SBF2: variants seen among roughly 807,000 people sequenced by gnomAD.
SBF2 encodes SET binding factor 2.
SBF2 carries 112 observed loss-of-function variants against 225.2 expected under a neutral mutation model. The ratio of observed to expected loss-of-function variants is 0.50; its 90% CI spans 0.43 to 0.58. SBF2 has a LOEUF of 0.58. Among genes scored for constraint, SBF2 ranks in the 20% least tolerant of loss-of-function variants. The pLI, the probability that SBF2 is intolerant of heterozygous loss-of-function variation, is 0.00. For synonymous variants in SBF2, 763 were observed against 773.3 expected, an observed-to-expected ratio of 0.99 and a Z score of 0.22; for missense variants, 1,996 against 2,206.2, an observed-to-expected ratio of 0.90 and a Z score of 1.91.
intron 16 of SBF2, among the ~76,000 whole-genome samples, chr11:9,926,325 T>C (rs544003368): frequency 1.3e-5 from 2 of 152,162 alleles, no homozygotes; most frequent in South Asian, 4.1e-4. Context: ...ATAAAAAAAA[T>C]TGTCTTTTTT....
intron 8 of SBF2, among the ~76,000 whole-genome samples, chr11:9,999,826 A>C (rs1268436023): frequency 6.6e-6 from 1 of 152,210 alleles, no homozygotes; most frequent in African/African-American, 2.4e-5. Context: ...CCTGCTTATA[A>C]TTATAATGTT....
intron 26 of SBF2, among the ~76,000 whole-genome samples, chr11:9,836,769 T>C (rs927451163): frequency 6.6e-6 from 1 of 152,192 alleles, no homozygotes; most frequent in East Asian, 1.9e-4. Context: ...AAGTATTCCA[T>C]GTAGAGGTCT....
chr11:9,990,505 T>C (rs980017639), intron 12 of SBF2, among the ~76,000 whole-genome samples: 1 of 152,202 alleles, frequency 6.6e-6, no homozygotes, highest in Non-Finnish European at 1.5e-5. Flanking sequence ...AGCATTCCCA[T>C]GCAAACGGCC....
intron 16 of SBF2, among the ~76,000 whole-genome samples, chr11:9,951,969 T>A (rs763214129): frequency 6.6e-6 from 1 of 152,246 alleles, no homozygotes; most frequent in Non-Finnish European, 1.5e-5. Flanking sequence ...CATTATAGTA[T>A]GCCCTGGGAG....
At chr11:9,980,027 G>A (rs968715173) in intron 13 of SBF2, among the ~76,000 whole-genome samples, 2 of 151,468 alleles carry the variant, frequency 1.3e-5, no homozygotes, top group Admixed American at 6.6e-5. Context: ...TGTCATCTAG[G>A]CTGGATGCAG....
chr11:10,200,839 T>G (rs562208700), intron 1 of SBF2, among the ~76,000 whole-genome samples: 2 of 152,334 alleles, frequency 1.3e-5, no homozygotes, highest in African/African-American at 4.8e-5. Context: ...TATGTTATAT[T>G]AAAATATTGC....
intron 1 of SBF2, among the ~76,000 whole-genome samples, chr11:10,212,119 T>C (rs1957962874): frequency 2.0e-5 from 3 of 152,228 alleles, no homozygotes; most frequent in Admixed American, 6.5e-5. Flanking sequence ...TGGCTCTTCC[T>C]ACCATAAAGT....
intron 16 of SBF2, among the ~76,000 whole-genome samples, chr11:9,918,031 G>A (rs1170797028): frequency 6.6e-6 from 1 of 151,290 alleles, no homozygotes; most frequent in Non-Finnish European, 1.5e-5. Context: ...CCTGCAAAGT[G>A]ACCTTCTTTC....
At chr11:10,129,398 C>CG (rs1565262393) in intron 2 of SBF2, among the ~76,000 whole-genome samples, 1 of 152,104 alleles carries the variant, frequency 6.6e-6, no homozygotes, top group Non-Finnish European at 1.5e-5. Context: ...CCACCGCGCC[C>CG]GGCCAATTTT....
intron 2 of SBF2, among the ~76,000 whole-genome samples, chr11:10,138,280 T>C (rs1954478113): frequency 6.6e-6 from 1 of 152,174 alleles, no homozygotes; most frequent in African/African-American, 2.4e-5. Flanking sequence ...ATAGAGTTAT[T>C]TGTAGCAGTT....
chr11:10,112,648 A>C (rs1464714041), intron 2 of SBF2, among the ~76,000 whole-genome samples: 1 of 152,228 alleles, frequency 6.6e-6, no homozygotes, highest in Non-Finnish European at 1.5e-5. Context: ...TTTGGGGAAA[A>C]TAAAATTTGT....
At chr11:10,294,565 A>G (rs1030310112), upstream of SBF2, among the ~76,000 whole-genome samples, 13 of 152,320 alleles carry the variant, frequency 8.5e-5, no homozygotes, top group Admixed American at 4.6e-4. Context: ...TCTGCTCCCC[A>G]CCACCACCAA....
intron 28 of SBF2, among the ~76,000 whole-genome samples, chr11:9,821,880 A>G (rs1338965690): frequency 3.9e-5 from 6 of 152,222 alleles, no homozygotes; most frequent in African/African-American, 1.4e-4. Flanking sequence ...TCTTACTGCG[A>G]GTCATGATCA....
rs186616368 is a variant in SBF2 at position 10,055,077 on chromosome 11, T to G, written c.142-12096A>C. Among the ~76,000 whole-genome samples, 98 of 152,220 alleles carry G rather than the reference T, an allele frequency of 6.4e-4. 1 individual carries two copies. The highest frequency in any genetic ancestry group is 2.0e-3 in the African/African-American group (85 of 41,534). On this transcript the variant is annotated intron_variant, in intron 2 of 39. Transcript: ENST00000256190. ...CCACCATGCCTGGTTAATTTTCGTA[T>G]TTTTAGTAAAGACGGGGTTTTACCA...
intron 2 of SBF2, among the ~76,000 whole-genome samples, chr11:10,112,305 G>A (rs1952910919): frequency 6.6e-6 from 1 of 152,178 alleles, no homozygotes; most frequent in African/African-American, 2.4e-5. Context: ...GAACCCAGCA[G>A]GAGGTGACTG....
chr11:9,781,432 G>C (rs1342501510), intron 39 of SBF2, 75 bp downstream of exon 39: 19 of 1,589,432 alleles, frequency 1.2e-5, no homozygotes, highest in Admixed American at 3.3e-5. Context: ...ATTACTCTGA[G>C]GGCTCCATCA....
At chr11:10,137,755 C>T (rs1954449394) in intron 2 of SBF2, among the ~76,000 whole-genome samples, 1 of 152,006 alleles carries the variant, frequency 6.6e-6, no homozygotes, top group African/African-American at 2.4e-5. Context: ...GTCTGTAATC[C>T]CAGCACTTTG....
chr11:10,163,317 A>C lies in SBF2; in HGVS notation c.141+30585T>G, dbSNP rs116035971. Among the ~76,000 whole-genome samples the C allele has an allele frequency of 5.9e-3, 893 of 152,312 alleles. 13 individuals carry two copies. Among genetic ancestry groups the C allele is most frequent in the African/African-American group, 0.019 (809 of 41,580 alleles). ...CAAGATTTAATAATTAAAATTGCACAACTAATTTTCCACACCTTGGATCTA... is the reference window on the plus strand; with the variant it reads ...CAAGATTTAATAATTAAAATTGCACCACTAATTTTCCACACCTTGGATCTA... On this transcript the variant is annotated intron_variant, in intron 2 of 39. Transcript: ENST00000256190.
intron 2 of SBF2, among the ~76,000 whole-genome samples, chr11:10,177,253 C>G (rs1956507657): frequency 6.6e-6 from 1 of 151,336 alleles, no homozygotes; most frequent in South Asian, 2.1e-4. Flanking sequence ...TGGGCAAAAA[C>G]TGGAAGCATT....
Sources: allele counts gnomAD v4.1 joint callset (sites outside exome capture counted in the v4.1 genomes callset), GRCh38; gene constraint gnomAD v4.1.1; transcripts MANE v1.5; gene names NCBI Gene and HGNC (gene_info 2026-07-23, HGNC 2026-07-21).